SPEF2: variants seen among roughly 807,000 people sequenced by gnomAD.
SPEF2 encodes the protein sperm flagella and cilia-associated protein 2.
Under a neutral mutation model 224.6 loss-of-function variants are expected in SPEF2, and 187 were observed. The observed-to-expected ratio is 0.83, with a 90% CI of 0.74 to 0.94. The LOEUF (loss-of-function observed/expected upper bound fraction) is 0.94, where lower values mean the gene tolerates loss of function less well. SPEF2 is among the 40% of genes least tolerant of loss of function. The pLI, the probability that SPEF2 is intolerant of heterozygous loss-of-function variation, is 0.00. For synonymous variants in SPEF2, 715 were observed against 707.3 expected (o/e 1.01, Z -0.17); for missense variants, 2,170 against 2,135.6 (o/e 1.02, Z -0.32).
At chr5:35,637,123 G>A (rs1434149680) in intron 2 of SPEF2, among the ~76,000 whole-genome samples, 1 of 152,112 alleles carries the variant, frequency 6.6e-6, no homozygotes, top group Non-Finnish European at 1.5e-5. Context: ...TCTGCTGCCG[G>A]TTTTCATAGC....
rs370426244 is a variant in SPEF2, at chr5:35,693,822, A to G, written c.1900-466A>G. 1.1e-3 allele frequency among the ~76,000 whole-genome samples: 160 copies of G among 152,302 alleles called. 3 individuals carry two copies. In the South Asian group the frequency reaches 0.033, roughly 31 times the overall value. ...ATTGATTCTGAAAATAACTGGGAGA[A>G]GTTTTCTTTATGGTGGGCTATCTCT... On this transcript the variant is annotated intron_variant, in intron 12 of 36. Coordinates refer to ENST00000356031, the MANE Select transcript of SPEF2 (RefSeq NM_024867.4).
At chr5:35,687,941 AAAAAAATTTGCAAGC>A (rs1753887853) in intron 10 of SPEF2, among the ~76,000 whole-genome samples, 4 of 151,904 alleles carry the variant, frequency 2.6e-5, no homozygotes, top group Admixed American at 2.0e-4. Context: ...TTTTGCAAGC[AAAAAAATTTGCAAGC>A]AAAAAATTTG....
intron 5 of SPEF2, among the ~76,000 whole-genome samples, chr5:35,648,238 CT>C (rs139486927): frequency 4.6e-5 from 7 of 151,316 alleles, no homozygotes; most frequent in East Asian, 1.9e-4. Flanking sequence ...CATTAATTCA[CT>C]TTTTTTTTGT....
intron 7 of SPEF2, 115 bp from the exon 8 acceptor site, chr5:35,658,904 C>T (rs1749320027): frequency 2.6e-6 from 2 of 761,938 alleles, no homozygotes; most frequent in South Asian, 5.5e-5. Context: ...AGTCAAATGA[C>T]AGAAACTGAT....
chr5:35,729,548 C>T (rs1745275863), intron 21 of SPEF2, among the ~76,000 whole-genome samples: 1 of 152,072 alleles, frequency 6.6e-6, no homozygotes, highest in Admixed American at 6.5e-5. Flanking sequence ...CAACACAGAC[C>T]TCTCATTTCC....
chr5:35,796,668 T>C (rs1756716522), intron 33 of SPEF2, among the ~76,000 whole-genome samples: 1 of 151,566 alleles, frequency 6.6e-6, no homozygotes, highest in South Asian at 2.1e-4. Flanking sequence ...AAAAACTGAA[T>C]GGTAGATTTA....
chr5:35,757,921 A>G (rs1453561259), intron 24 of SPEF2, among the ~76,000 whole-genome samples: 1 of 152,174 alleles, frequency 6.6e-6, no homozygotes, highest in East Asian at 1.9e-4. Flanking sequence ...TTCCTGTTTC[A>G]GTCATTTAGT....
At chr5:35,738,893 G>T (rs779271496) in intron 21 of SPEF2, among the ~76,000 whole-genome samples, 1 of 151,972 alleles carries the variant, frequency 6.6e-6, no homozygotes, top group Non-Finnish European at 1.5e-5. Context: ...GGAACATTGT[G>T]CCCATAAACT....
chr5:35,677,826 G>T (rs1752233938), intron 10 of SPEF2, among the ~76,000 whole-genome samples: 1 of 152,192 alleles, frequency 6.6e-6, no homozygotes, highest in South Asian at 2.1e-4. Flanking sequence ...ATGGCTTAGT[G>T]TCAGTTACCC....
chr5:35,649,060 A>G (rs1462693531), intron 5 of SPEF2, among the ~76,000 whole-genome samples: 1 of 151,962 alleles, frequency 6.6e-6, no homozygotes, highest in East Asian at 1.9e-4. Flanking sequence ...ATTTGTATCC[A>G]AAAATGTATG....
intron 28 of SPEF2, among the ~76,000 whole-genome samples, chr5:35,775,940 TC>T (rs769009577): frequency 1.3e-5 from 2 of 152,108 alleles, no homozygotes; most frequent in Non-Finnish European, 2.9e-5. Context: ...ATAAGCACGG[TC>T]CCCACTCCCT....
intron 28 of SPEF2, among the ~76,000 whole-genome samples, chr5:35,774,514 G>C (rs1415107959): frequency 6.6e-6 from 1 of 152,166 alleles, no homozygotes; most frequent in Non-Finnish European, 1.5e-5. Context: ...AGGAGAGCCA[G>C]TCATATATCT....
At chr5:35,728,366 C>T (rs1252637009) in intron 21 of SPEF2, among the ~76,000 whole-genome samples, 1 of 152,184 alleles carries the variant, frequency 6.6e-6, no homozygotes, top group Non-Finnish European at 1.5e-5. Context: ...ACTCGCAAGG[C>T]CCAGTTGCCA....
intron 10 of SPEF2, among the ~76,000 whole-genome samples, chr5:35,680,816 G>A (rs1304809603): frequency 6.6e-6 from 1 of 152,136 alleles, no homozygotes; most frequent in Non-Finnish European, 1.5e-5. Context: ...TTTCTCCATG[G>A]CTTCATTAAA....
At chr5:35,707,093 T>A (rs1408487367) in intron 18 of SPEF2, among the ~76,000 whole-genome samples, 1 of 152,218 alleles carries the variant, frequency 6.6e-6, no homozygotes. Context: ...AATTAACAAA[T>A]GTTTAATAAT....
intron 30 of SPEF2, chr5:35,789,555 A>G: frequency 1.5e-6 from 1 of 655,100 alleles, no homozygotes; most frequent in Non-Finnish European, 2.7e-6. Flanking sequence ...TAACTGCCTC[A>G]GAGGGAAAGA....
intron 10 of SPEF2, among the ~76,000 whole-genome samples, chr5:35,678,079 C>T (rs550327146): frequency 2.0e-5 from 3 of 152,326 alleles, no homozygotes; most frequent in African/African-American, 7.2e-5. Flanking sequence ...TGTAAATTTC[C>T]TTCCAAAAAC....
At chr5:35,790,595 TC>T in intron 30 of SPEF2, 1 of 339,938 alleles carries the variant, frequency 2.9e-6, no homozygotes, top group Non-Finnish European at 5.2e-6. Flanking sequence ...ATTCCTGTGT[TC>T]TTTCACACTC....
At chr5:35,714,866 A>T (rs62351906) in intron 20 of SPEF2, among the ~76,000 whole-genome samples, 113,572 of 151,216 alleles carry the variant, frequency 0.75, 42,980 homozygotes, top group Middle Eastern at 0.83. Flanking sequence ...GCCTTGCAAA[A>T]TTTTCTTCTG....
Sources: gnomAD v4.1 joint callset for allele counts (sites outside exome capture counted in the v4.1 genomes callset) on GRCh38, gnomAD v4.1.1 for gene constraint, MANE v1.5 for transcripts, NCBI Gene and HGNC (gene_info 2026-07-23, HGNC 2026-07-21) for gene names.